MYO15A: variants seen among roughly 807,000 people sequenced by gnomAD.
MYO15A encodes the protein unconventional myosin-XV.
A neutral mutation model predicts 394.6 loss-of-function variants in MYO15A; 308 were observed. That is an observed-to-expected ratio of 0.78 (90% CI 0.71 to 0.86). The LOEUF (loss-of-function observed/expected upper bound fraction) is 0.86, where lower values mean the gene tolerates loss of function less well. Among genes scored for constraint, MYO15A ranks in the 40% least tolerant of loss-of-function variants. MYO15A has a pLI of 0.00. For missense variants in MYO15A, 4,606 were observed against 4,799.1 expected (o/e 0.96, Z 1.19); for synonymous variants, 1,957 against 2,003.8 (o/e 0.98, Z 0.62).
At chr17:18,124,616 A>C (rs1597764084) in intron 3 of MYO15A, 51 bp downstream of exon 3, 3 of 1,561,958 alleles carry the variant, frequency 1.9e-6, no homozygotes, top group Middle Eastern at 1.7e-4. Context: ...TGGGGTCCCC[A>C]CCCTCCCAGC....
In MYO15A at chr17:18,136,487, C is replaced by T. The variant is rs907114357; in HGVS notation, c.4655+12C>T. ...GCTGTGGATGCCAGGTGAGGCCACG[C>T]CCTCCCCTGCCTGAGCCCCGAGGCC... On this transcript the variant is annotated intron_variant, in intron 14 of 65. Coordinates refer to ENST00000647165, the MANE Select transcript of MYO15A (RefSeq NM_016239.4). 1 of 1,613,598 alleles carries T rather than the reference C, an allele frequency of 6.2e-7. No individual in the cohort carries two copies. Among genetic ancestry groups the T allele is most frequent in the African/African-American group, 1.3e-5 (1 of 74,912 alleles).
In MYO15A at chr17:18,157,141, G is replaced by A. The variant is rs1006186636; in HGVS notation, c.8714-15G>A. 1.8e-5 allele frequency: 29 copies of A among 1,610,474 alleles called. 1 individual carries two copies. The highest frequency in any genetic ancestry group is 3.3e-5 in the South Asian group (3 of 90,608). ...GGGCCTCCCTGGCAGATGCTGACCC[G>A]AGCCTGGCCCATAGGCTACAGTGCT... is the stretch of plus-strand genomic sequence containing the variant. On this transcript the variant is annotated splice_polypyrimidine_tract_variant and intron_variant, in intron 49 of 65. Transcript: ENST00000647165.
In MYO15A at chr17:18,136,626, G is replaced by A. The variant is rs186426892; in HGVS notation, c.4719G>A (p.Ala1573=). ...GCTGGCTCATCACCAGGGTCAACGC[G>A]CTGGTGTCCCCAAGGCAGGACACAC... The part of the protein sequence containing the change: ...LFSWLITRVN[A]LVSPRQDTLS... Residue 1573 remains alanine (A), a synonymous_variant, in exon 15 of 66, where the codon GCG becomes GCA. Transcript: ENST00000647165. The A allele has an allele frequency of 1.8e-3, 2,931 of 1,613,642 alleles. 11 individuals carry two copies. The highest frequency in any genetic ancestry group is 6.6e-3 in the Middle Eastern group (40 of 6,062).
intron 25 of MYO15A, 61 bp from the exon 26 acceptor site, chr17:18,143,505 C>T: frequency 6.5e-7 from 1 of 1,542,940 alleles, no homozygotes; most frequent in Non-Finnish European, 8.8e-7. Context: ...GCCTGGCCTG[C>T]CTGGGTGCCG....
intron 64 of MYO15A, 163 bp downstream of exon 64, chr17:18,172,453 A>C: frequency 8.9e-7 from 1 of 1,122,258 alleles, no homozygotes; most frequent in Non-Finnish European, 1.3e-6. Flanking sequence ...TGCTTTCCTC[A>C]TCTGGAAAAT....
Position 18,150,707 on chromosome 17 carries a change from T to C in MYO15A, c.7337T>C (p.Leu2446Pro). 6.3e-7 allele frequency: 1 copy of C among 1,589,742 alleles called. No individual in the cohort carries two copies. Residue 2446 changes from leucine to proline, a missense_variant, in exon 37 of 66, where the codon CTG becomes CCG. Leu to Pro is a moderately conservative substitution (Grantham distance 98). Coordinates refer to ENST00000647165, the MANE Select transcript of MYO15A (RefSeq NM_016239.4). The surrounding 1 kb of genome is among the most constrained non-coding windows in gnomAD (Gnocchi z 4.4). ...TGCCCCCTCCCCTCAGTCCCAGGCCTGGATGCCTCCACATTGGCTCTGCAG... is the reference window on the plus strand; with the variant it reads ...TGCCCCCTCCCCTCAGTCCCAGGCCCGGATGCCTCCACATTGGCTCTGCAG... Reference protein sequence around the residue: ...RPPEPKPIPGLDASTLALQQA... With the variant: ...RPPEPKPIPGPDASTLALQQA...
Position 18,121,519 on chromosome 17 carries a change from C to T in MYO15A, c.2719C>T (p.Arg907Trp), listed in dbSNP as rs763780223. Residue 907 changes from arginine (R) to tryptophan (W), a missense_variant, in exon 2 of 66, where the codon CGG (arginine) becomes TGG (tryptophan). This residue lies in a region of MYO15A where 1,830 missense variants were observed against 1,689.7 expected (regional missense o/e 1.08). Transcript: ENST00000647165. The surrounding 1 kb of genome is among the most constrained non-coding windows in gnomAD (Gnocchi z 5.3). ...AGAWRAPLEH[R>W]ESPREPEDSE... Reference sequence around the variant, plus strand: ...GGCCTGGCGGGCGCCCCTGGAACACCGGGAGAGCCCGCGAGAACCCGAGGA... The same window carrying T: ...GGCCTGGCGGGCGCCCCTGGAACACTGGGAGAGCCCGCGAGAACCCGAGGA... 10 of 1,559,032 alleles carry T rather than the reference C, an allele frequency of 6.4e-6. No homozygotes were observed. Among genetic ancestry groups the T allele is most frequent in the Non-Finnish European group, 6.9e-6 (8 of 1,152,244 alleles).
intron 60 of MYO15A, chr17:18,165,260 T>C (rs1396659217): frequency 6.6e-6 from 1 of 152,180 alleles, no homozygotes; most frequent in East Asian, 1.9e-4. Context: ...ATCACAAATT[T>C]AGTGGCTTAA....
At chr17:18,165,257 AT>A (rs1363847762) in intron 60 of MYO15A, 1 of 152,192 alleles carries the variant, frequency 6.6e-6, no homozygotes, top group Non-Finnish European at 1.5e-5. Flanking sequence ...ATTATCACAA[AT>A]TTAGTGGCTT....
At chr17:18,156,922 T>C in intron 48 of MYO15A, 32 bp from the exon 49 acceptor site, 2 of 1,578,564 alleles carry the variant, frequency 1.3e-6, no homozygotes, top group Non-Finnish European at 1.7e-6. Context: ...GTGATAGGGC[T>C]GTTGCCCTCA....
intron 59 of MYO15A, 85 bp downstream of exon 59, chr17:18,163,406 G>GC: frequency 7.3e-7 from 1 of 1,371,842 alleles, no homozygotes; most frequent in Non-Finnish European, 1.0e-6. Flanking sequence ...GGTGGAGTAA[G>GC]CCCCCAATGA....
At position 18,122,309 on chromosome 17, in the gene MYO15A, T is replaced by C; in HGVS notation, c.3509T>C (p.Val1170Ala). 6.2e-7 allele frequency: 1 copy of C among 1,612,888 alleles called. No individual in the cohort carries two copies. The highest frequency in any genetic ancestry group is 8.5e-7 in the Non-Finnish European group (1 of 1,179,952). The change falls in exon 2 of 66, where the codon GTA becomes GCA. Residue 1170 changes from valine (V) to alanine (A), a missense_variant. Coordinates refer to ENST00000647165, the MANE Select transcript of MYO15A (RefSeq NM_016239.4). Reference protein sequence around the residue: ...RADAYGPWPRVHTHPQSCHLG... With the variant: ...RADAYGPWPRAHTHPQSCHLG... ...GATGCCTATGGACCCTGGCCACGAGTACACACCCATCCCCAGTCCTGCCAC... is the reference window on the plus strand; with the variant it reads ...GATGCCTATGGACCCTGGCCACGAGCACACACCCATCCCCAGTCCTGCCAC...
chr17:18,145,769 C>T (rs2046466505), intron 29 of MYO15A, 103 bp from the exon 30 acceptor site: 1 of 942,724 alleles, frequency 1.1e-6, no homozygotes, highest in South Asian at 1.4e-5. Context: ...TTTATATGGG[C>T]AGGGGCACAC....
rs567203765 is a variant in MYO15A at position 18,147,209 on chromosome 17, G to T, written c.6510-820G>T. On this transcript the variant is annotated intron_variant, in intron 30 of 65. Transcript: ENST00000647165. This position sits in a 1 kb window ranked among gnomAD's most constrained non-coding sequence, Gnocchi z 4.4. ...GAACCTGTTTCTTCCCTATAATTTG[G>T]GGATGGCAACAGAACCCACCTAACA... Among the ~76,000 whole-genome samples the T allele has an allele frequency of 2.6e-5, 4 of 152,194 alleles. No individual in the cohort carries two copies. The highest frequency in any genetic ancestry group is 5.9e-5 in the Non-Finnish European group (4 of 68,044).
rs1304086497 is a variant in MYO15A, at chr17:18,142,255, G to A, written c.5825+1G>A. 6.2e-7 allele frequency: 1 copy of A among 1,611,760 alleles called. No individual in the cohort carries two copies. Among genetic ancestry groups the A allele is most frequent in the Non-Finnish European group, 8.5e-7 (1 of 1,179,592 alleles). ...GCCGGGCCCGTGGCTACCTTGCCAG[G>A]TGAGGCACAGAAAAGGCAGGATTCC... On this transcript the variant is annotated splice_donor_variant, in intron 24 of 65. Transcript: ENST00000647165. LOFTEE classifies it high-confidence loss of function.
At chr17:18,128,988 G>C (rs2046103510) in intron 7 of MYO15A, among the ~76,000 whole-genome samples, 2 of 152,154 alleles carry the variant, frequency 1.3e-5, no homozygotes, top group African/African-American at 4.8e-5. Context: ...TAATCAAACA[G>C]TCCAGTTCAG....
intron 19 of MYO15A, 32 bp downstream of exon 19, chr17:18,139,643 C>T (rs753663125): frequency 6.2e-7 from 1 of 1,610,460 alleles, no homozygotes; most frequent in South Asian, 1.1e-5. Context: ...TCTGGCCCTG[C>T]CCCCAGGCAT....
intron 45 of MYO15A, 120 bp from the exon 46 acceptor site, chr17:18,154,990 T>A: frequency 9.5e-7 from 1 of 1,054,022 alleles, no homozygotes; most frequent in Non-Finnish European, 1.4e-6. Flanking sequence ...AGTTTTCTAG[T>A]ATAGACACTG....
In MYO15A at chr17:18,142,773, TGAG is replaced by T. The variant is rs778977711; in HGVS notation, c.5850_5852del (p.Arg1950del). Reference sequence around the variant, plus strand: ...CAACCCAGGCAACGCTATCAGCAGATGAGGAGGAGTCTGGTGAAGTTCCGGTCC... The same window carrying T: ...CAACCCAGGCAACGCTATCAGCAGATGAGGAGTCTGGTGAAGTTCCGGTCC... On this transcript the variant is annotated inframe_deletion, in exon 25 of 66. Transcript: ENST00000647165. 21 of 1,613,340 alleles carry T rather than the reference TGAG, an allele frequency of 1.3e-5. No homozygotes were observed. The highest frequency in any genetic ancestry group is 6.7e-5 in the Admixed American group (4 of 59,976).
Sources: gnomAD v4.1 joint callset for allele counts (sites outside exome capture counted in the v4.1 genomes callset) on GRCh38, gnomAD v4.1.1 for gene constraint, gnomAD v4.1.1 regional missense constraint, Gnocchi (gnomAD v3.1) non-coding constraint, MANE v1.5 for transcripts, NCBI Gene and HGNC (gene_info 2026-07-23, HGNC 2026-07-21) for gene names.